Variants in SLC35D4 observed in about 807,000 individuals in gnomAD.
The protein encoded by SLC35D4 is UDP-N-acetylglucosamine transporter SLC35D4.
At chr18:23,251,371 A>G in the SLC35D4 span, among the ~76,000 whole-genome samples, 2 of 152,196 alleles carry the variant, frequency 1.3e-5, no homozygotes, top group Non-Finnish European at 2.9e-5. Flanking sequence ...GAATTGCTTA[A>G]ACCCAAGAGG....
At chr18:23,406,223 G>T in the SLC35D4 span, among the ~76,000 whole-genome samples, 3 of 152,296 alleles carry the variant, frequency 2.0e-5, no homozygotes, top group Non-Finnish European at 2.9e-5. Context: ...CCAAGGAACT[G>T]CCAGCAATTT....
chr18:23,298,132 C>T, the SLC35D4 span: 9 of 1,586,890 alleles, frequency 5.7e-6, no homozygotes, highest in African/African-American at 1.3e-5. Flanking sequence ...CTGGCGCCCA[C>T]ATACGCAGGG....
the SLC35D4 span, among the ~76,000 whole-genome samples, chr18:23,371,935 G>GTTTTTTTTTTTTTTT: frequency 7.3e-4 from 26 of 35,464 alleles, 5 homozygotes; most frequent in East Asian, 9.1e-4. Flanking sequence ...TGTTTTTTTT[G>GTTTTTTTTTTTTTTT]TTTTTTTTTT....
chr18:23,415,973 C>T, the SLC35D4 span, among the ~76,000 whole-genome samples: 10 of 151,972 alleles, frequency 6.6e-5, no homozygotes, highest in East Asian at 1.9e-4. Context: ...TTTGGGAGGC[C>T]GAGGCAGGTG....
At chr18:23,423,009 T>A in the SLC35D4 span, among the ~76,000 whole-genome samples, 1 of 152,222 alleles carries the variant, frequency 6.6e-6, no homozygotes, top group Non-Finnish European at 1.5e-5. Context: ...ACACTACAGT[T>A]GAGAACTCTG....
chr18:23,416,416 C>A, the SLC35D4 span, among the ~76,000 whole-genome samples: 131 of 152,336 alleles, frequency 8.6e-4, 1 homozygote, highest in African/African-American at 2.9e-3. Context: ...AAGAGCCAAA[C>A]CTCTGTCATC....
the SLC35D4 span, chr18:23,370,232 T>G: frequency 1.2e-6 from 2 of 1,610,796 alleles, no homozygotes; most frequent in East Asian, 4.5e-5. Context: ...GCACTGGGTT[T>G]CTGGGACTTC....
chr18:23,309,564 A>G, the SLC35D4 span: 5 of 812,900 alleles, frequency 6.2e-6, no homozygotes, highest in Admixed American at 8.8e-5. Context: ...TTGCATTTGG[A>G]TGGAGATACA....
chr18:23,270,949 T>C, the SLC35D4 span, among the ~76,000 whole-genome samples: 27 of 152,236 alleles, frequency 1.8e-4, no homozygotes, highest in East Asian at 5.2e-3. Context: ...TGGGAAGGCA[T>C]GATTGGTTTT....
chr18:23,391,399 A>G, the SLC35D4 span, among the ~76,000 whole-genome samples: 1 of 152,282 alleles, frequency 6.6e-6, no homozygotes. Context: ...TAAGAATTCT[A>G]GACACTGGTG....
At chr18:23,318,407 G>A in the SLC35D4 span, among the ~76,000 whole-genome samples, 118 of 152,270 alleles carry the variant, frequency 7.7e-4, no homozygotes, top group African/African-American at 2.7e-3. Context: ...CAGCTCAACA[G>A]TTTTTAATTT....
At chr18:23,428,024 T>TG in the SLC35D4 span, among the ~76,000 whole-genome samples, 2 of 151,642 alleles carry the variant, frequency 1.3e-5, no homozygotes, top group Admixed American at 6.6e-5. Context: ...TGCCATGGGT[T>TG]GGGGGGAGAG....
chr18:23,366,896 G>T, the SLC35D4 span, among the ~76,000 whole-genome samples: 5 of 152,288 alleles, frequency 3.3e-5, no homozygotes, highest in Admixed American at 2.6e-4. Flanking sequence ...ATAAGACAGG[G>T]CTGCATGTAG....
the SLC35D4 span, among the ~76,000 whole-genome samples, chr18:23,348,660 C>A: frequency 6.6e-6 from 1 of 152,158 alleles, no homozygotes; most frequent in Non-Finnish European, 1.5e-5. Flanking sequence ...CTATACCCAG[C>A]TTTCTTATGG....
chr18:23,253,085 G>T, the SLC35D4 span: 2 of 1,423,998 alleles, frequency 1.4e-6, no homozygotes, highest in South Asian at 2.3e-5. Flanking sequence ...GGCTGGACTT[G>T]CCTGTGACCT....
At chr18:23,294,563 G>C in the SLC35D4 span, among the ~76,000 whole-genome samples, 1 of 152,084 alleles carries the variant, frequency 6.6e-6, no homozygotes, top group Admixed American at 6.6e-5. Context: ...AAGAACAACA[G>C]GCAGGGGGCA....
the SLC35D4 span, among the ~76,000 whole-genome samples, chr18:23,405,791 C>A: frequency 6.6e-6 from 1 of 152,168 alleles, no homozygotes; most frequent in Non-Finnish European, 1.5e-5. Context: ...TCCTGCTGCT[C>A]AGGAATAAGG....
At chr18:23,269,581 C>T in the SLC35D4 span, among the ~76,000 whole-genome samples, 717 of 152,282 alleles carry the variant, frequency 4.7e-3, 26 homozygotes, top group East Asian at 0.12. Context: ...AACTGGGTAA[C>T]AGGCAGAGAC....
the SLC35D4 span, chr18:23,370,309 G>A: frequency 1.9e-6 from 3 of 1,597,712 alleles, no homozygotes; most frequent in Non-Finnish European, 2.6e-6. Context: ...TCTGCTCAAG[G>A]AGCTGCTGGC....
Sources: gnomAD v4.1 joint callset for allele counts (sites outside exome capture counted in the v4.1 genomes callset) on GRCh38, gnomAD v4.1.1 for gene constraint, MANE v1.5 for transcripts, NCBI Gene and HGNC (gene_info 2026-07-23, HGNC 2026-07-21) for gene names.